The following PHF24 variants were observed in gnomAD, a reference collection of about 807,000 sequenced individuals.
PHF24 encodes PHD finger protein 24, also known as Galpha inhibitory interacting protein.
Under a neutral mutation model 42.6 loss-of-function variants are expected in PHF24, and 25 were observed. The ratio of observed to expected loss-of-function variants is 0.59; its 90% CI spans 0.43 to 0.82. The LOEUF (loss-of-function observed/expected upper bound fraction) is 0.82. Among genes scored for constraint, PHF24 ranks in the 40% least tolerant of loss-of-function variants. The pLI, the probability that PHF24 is intolerant of heterozygous loss-of-function variation, is 0.00. For synonymous variants in PHF24, 185 were observed against 204.8 expected (o/e 0.90, Z 0.83); for missense variants, 470 against 538.1 (o/e 0.87, Z 1.25).
At chr9:34,838,871 G>T in the PHF24 span, among the ~76,000 whole-genome samples, 2 of 152,200 alleles carry the variant, frequency 1.3e-5, no homozygotes, top group Admixed American at 1.3e-4. Flanking sequence ...ATGAGAAGGG[G>T]TGGTTAGGCC....
chr9:34,842,869 A>G, the PHF24 span, among the ~76,000 whole-genome samples: 2 of 152,226 alleles, frequency 1.3e-5, no homozygotes, highest in South Asian at 2.1e-4. Context: ...GTTTTCCTGT[A>G]TCTTTGTCAA....
the PHF24 span, among the ~76,000 whole-genome samples, chr9:34,850,603 G>A: frequency 1.7e-4 from 26 of 152,224 alleles, no homozygotes; most frequent in South Asian, 4.2e-4. Context: ...CTCTCAACTC[G>A]TCGAAGTCAT....
the PHF24 span, among the ~76,000 whole-genome samples, chr9:34,899,808 T>TTC: frequency 6.6e-6 from 1 of 152,140 alleles, no homozygotes; most frequent in South Asian, 2.1e-4. Flanking sequence ...GACAGGAGCT[T>TTC]TCAAAGGTTA....
At chr9:34,668,703 C>G in the PHF24 span, among the ~76,000 whole-genome samples, 6 of 152,210 alleles carry the variant, frequency 3.9e-5, no homozygotes, top group Non-Finnish European at 7.3e-5. Flanking sequence ...ACATACCTCC[C>G]TCACAATTTG....
chr9:34,971,182 G>A, intron 1 of PHF24, 113 bp from the exon 2 acceptor site: 1 of 1,187,746 alleles, frequency 8.4e-7, no homozygotes, highest in East Asian at 2.4e-5. Flanking sequence ...CCCCCACCAT[G>A]TTCTAGAAGA....
At chr9:34,789,830 A>C in the PHF24 span, among the ~76,000 whole-genome samples, 2 of 152,146 alleles carry the variant, frequency 1.3e-5, no homozygotes, top group African/African-American at 4.8e-5. Flanking sequence ...ATGAAAGACA[A>C]GGATTTTGCT....
the PHF24 span, among the ~76,000 whole-genome samples, chr9:34,894,094 G>C: frequency 6.6e-6 from 1 of 152,198 alleles, no homozygotes. Flanking sequence ...AAGAGAATAA[G>C]ACAGGGATGA....
At chr9:34,892,195 A>G in the PHF24 span, among the ~76,000 whole-genome samples, 1 of 152,130 alleles carries the variant, frequency 6.6e-6, no homozygotes. Flanking sequence ...GAAAGAGAGG[A>G]GAGGGTAGAG....
chr9:34,807,865 A>T, the PHF24 span, among the ~76,000 whole-genome samples: 1 of 152,344 alleles, frequency 6.6e-6, no homozygotes, highest in Admixed American at 6.5e-5. Flanking sequence ...GTGCCTAGAC[A>T]CCACCAAGAA....
At chr9:34,895,215 T>G in the PHF24 span, 2 of 396,888 alleles carry the variant, frequency 5.0e-6, no homozygotes, top group Non-Finnish European at 8.9e-6. Context: ...TATCTTTCCT[T>G]TCTGTATTCT....
In PHF24 at chr9:34,971,688, G is replaced by C; in HGVS notation, c.378+12G>C. The stretch of plus-strand genomic sequence containing the variant: ...AGCCCAGAGAGCCTGTGAGTATCCA[G>C]TTAGGACAGGATCCTCAAGTCTTAG... On this transcript the variant is annotated intron_variant, in intron 2 of 7. Transcript: ENST00000242315. The C allele has an allele frequency of 6.3e-7, 1 of 1,593,528 alleles. No individual in the cohort carries two copies. The highest frequency in any genetic ancestry group is 8.6e-7 in the Non-Finnish European group (1 of 1,167,978).
At chr9:34,693,277 A>G in the PHF24 span, among the ~76,000 whole-genome samples, 1 of 152,102 alleles carries the variant, frequency 6.6e-6, no homozygotes, top group South Asian at 2.1e-4. Flanking sequence ...TGCAGATAGC[A>G]TTACTTAGGG....
the PHF24 span, among the ~76,000 whole-genome samples, chr9:34,763,998 A>T: frequency 6.6e-6 from 1 of 151,728 alleles, no homozygotes; most frequent in Non-Finnish European, 1.5e-5. Context: ...GCTGGATTAC[A>T]TTTATTGATT....
At chr9:34,937,075 G>A in the PHF24 span, among the ~76,000 whole-genome samples, 2 of 144,266 alleles carry the variant, frequency 1.4e-5, no homozygotes, top group Non-Finnish European at 3.0e-5. Context: ...GAGGTGAGGG[G>A]CGCCTCTGCC....
the PHF24 span, chr9:34,832,819 C>T: frequency 1.3e-6 from 2 of 1,551,598 alleles, no homozygotes; most frequent in Non-Finnish European, 8.7e-7. Context: ...GCTGGGGCAC[C>T]ACAGTCTGGG....
chr9:34,851,006 C>G, the PHF24 span, among the ~76,000 whole-genome samples: 1 of 152,188 alleles, frequency 6.6e-6, no homozygotes. Flanking sequence ...CAGTCTGCCC[C>G]TACTGGGGGG....
chr9:34,825,894 G>A, the PHF24 span, among the ~76,000 whole-genome samples: 8 of 152,052 alleles, frequency 5.3e-5, no homozygotes, highest in South Asian at 2.1e-4. Flanking sequence ...CCTTCCCACC[G>A]TCTGGATTCC....
rs748895502 is a variant in PHF24, at chr9:34,972,506, A to C, written c.539A>C (p.Glu180Ala). The C allele has an allele frequency of 3.0e-5, 48 of 1,612,792 alleles. No individual in the cohort carries two copies. The highest frequency in any genetic ancestry group is 4.1e-5 in the Non-Finnish European group (48 of 1,179,394). Residue 180 changes from glutamate (E) to alanine (A), a missense_variant, in exon 3 of 8, where the codon GAA becomes GCA. Transcript: ENST00000242315. Reference sequence around the variant, plus strand: ...GAGGTGACGGAGATGGCCCACACAGAAACAGGCTGGAGCTGCCACTACTGT... The same window carrying C: ...GAGGTGACGGAGATGGCCCACACAGCAACAGGCTGGAGCTGCCACTACTGT...
the PHF24 span, among the ~76,000 whole-genome samples, chr9:34,900,600 A>G: frequency 6.6e-6 from 1 of 152,222 alleles, no homozygotes; most frequent in African/African-American, 2.4e-5. Context: ...CCATGTCTCA[A>G]TAACAATAAT....
Sources: gnomAD v4.1 joint callset for allele counts (sites outside exome capture counted in the v4.1 genomes callset) on GRCh38, gnomAD v4.1.1 for gene constraint, MANE v1.5 for transcripts, NCBI Gene and HGNC (gene_info 2026-07-23, HGNC 2026-07-21) for gene names.